Variants in HTT observed in about 807,000 individuals in gnomAD.
HTT encodes huntington disease protein.
HTT carries 104 observed loss-of-function variants against 362.3 expected under a neutral mutation model. The ratio of observed to expected loss-of-function variants is 0.29; its 90% CI spans 0.24 to 0.34. The LOEUF (loss-of-function observed/expected upper bound fraction) is 0.34, where lower values mean the gene tolerates loss of function less well. Among genes scored for constraint, HTT ranks in the 10% least tolerant of loss-of-function variants. The probability of loss-of-function intolerance (pLI) is 1.00; values close to 1 mark genes in which losing one functional copy is unlikely to be tolerated. For synonymous variants in HTT, 1,577 were observed against 1,548.7 expected (o/e 1.02, Z -0.43); for missense variants, 3,301 against 3,928.6 (o/e 0.84, Z 4.27).
intron 53 of HTT, among the ~76,000 whole-genome samples, chr4:3,221,547 C>G (rs990879327): frequency 6.6e-6 from 1 of 152,182 alleles, no homozygotes; most frequent in Non-Finnish European, 1.5e-5. Flanking sequence ...CAGTCCTGCA[C>G]GCTCTCCTTC....
At chr4:3,094,159 C>G (rs1303882617) in intron 2 of HTT, among the ~76,000 whole-genome samples, 1 of 151,712 alleles carries the variant, frequency 6.6e-6, no homozygotes, top group Non-Finnish European at 1.5e-5. Context: ...TTTAACAAAG[C>G]ACATCTTGCA....
chr4:3,118,002 G>A (rs1335987331), intron 8 of HTT, among the ~76,000 whole-genome samples: 1 of 152,158 alleles, frequency 6.6e-6, no homozygotes, highest in Non-Finnish European at 1.5e-5. Context: ...AAATCTCTTT[G>A]ATGAACTGGT....
At chr4:3,238,241 G>A (rs1213750377) in intron 64 of HTT, among the ~76,000 whole-genome samples, 1 of 152,218 alleles carries the variant, frequency 6.6e-6, no homozygotes, top group Admixed American at 6.5e-5. Context: ...AAGGGCTGGG[G>A]TTTTGCCTTT....
At chr4:3,175,311 T>A (rs532002889) in intron 33 of HTT, among the ~76,000 whole-genome samples, 2 of 152,350 alleles carry the variant, frequency 1.3e-5, no homozygotes, top group East Asian at 3.9e-4. Flanking sequence ...TTGCCCCAGC[T>A]CCCTGGACTC....
At position 3,093,771 on chromosome 4, in the gene HTT, A is replaced by G. The variant is rs899402218; in HGVS notation, c.348-5503A>G. ...AATTGGAGTGATGAAGCTATAAGCC[A>G]AGGAATGCAGCAGCCACCAAAGCTG... On this transcript the variant is annotated intron_variant, in intron 2 of 66. Coordinates refer to ENST00000355072, the MANE Select transcript of HTT (RefSeq NM_001388492.1). Among the ~76,000 whole-genome samples, 6 of 152,008 alleles carry G rather than the reference A, an allele frequency of 3.9e-5. No homozygotes were observed. The East Asian group carries it at 9.6e-4, about 24-fold the overall frequency.
At chr4:3,148,476 AC>A (rs1257724801) in intron 26 of HTT, among the ~76,000 whole-genome samples, 1 of 151,626 alleles carries the variant, frequency 6.6e-6, no homozygotes, top group African/African-American at 2.4e-5. Context: ...ACATCACGAA[AC>A]CCCCTCTCTA....
intron 40 of HTT, among the ~76,000 whole-genome samples, chr4:3,198,505 G>A (rs28404638): frequency 0.2 from 30,521 of 152,028 alleles, 3,553 homozygotes; most frequent in African/African-American, 0.32. Context: ...GATTATAGGC[G>A]TGAGCCACCA....
chr4:3,223,685 C>A, intron 55 of HTT, 125 bp downstream of exon 55: 1 of 911,524 alleles, frequency 1.1e-6, no homozygotes, highest in Non-Finnish European at 1.7e-6. Flanking sequence ...AAAACACCGT[C>A]CGTGTGGCCT....
At chr4:3,080,711 T>C (rs972639226) in intron 1 of HTT, among the ~76,000 whole-genome samples, 2 of 152,272 alleles carry the variant, frequency 1.3e-5, no homozygotes, top group Non-Finnish European at 2.9e-5. Context: ...CTATGTTTTC[T>C]TCTAAGAATT....
intron 64 of HTT, among the ~76,000 whole-genome samples, chr4:3,237,618 T>C (rs1331590861): frequency 6.6e-6 from 1 of 152,094 alleles, no homozygotes; most frequent in Non-Finnish European, 1.5e-5. Flanking sequence ...CAGATTTCTC[T>C]CTGTGGAGCA....
At chr4:3,097,456 A>G (rs1265510005) in intron 2 of HTT, among the ~76,000 whole-genome samples, 1 of 152,160 alleles carries the variant, frequency 6.6e-6, no homozygotes, top group Non-Finnish European at 1.5e-5. Flanking sequence ...ACATGGTGAA[A>G]CTCTGTCTCT....
At chr4:3,181,267 G>C (rs1056587739) in intron 36 of HTT, among the ~76,000 whole-genome samples, 1 of 152,132 alleles carries the variant, frequency 6.6e-6, no homozygotes, top group Non-Finnish European at 1.5e-5. Context: ...AGATAGTGAG[G>C]CCCTCTTTTC....
At chr4:3,157,989 C>CTTTT (rs755194476) in intron 28 of HTT, among the ~76,000 whole-genome samples, 1 of 147,886 alleles carries the variant, frequency 6.8e-6, no homozygotes, top group African/African-American at 2.5e-5. Flanking sequence ...TAGAAGCATC[C>CTTTT]TTGTTTTTTT....
intron 2 of HTT, among the ~76,000 whole-genome samples, chr4:3,094,895 C>T (rs934853676): frequency 1.3e-5 from 2 of 151,046 alleles, no homozygotes; most frequent in East Asian, 2.0e-4. Context: ...GACGGAGTCA[C>T]GGCCGGGCAG....
At chr4:3,120,317 T>G (rs1026541927) in intron 8 of HTT, among the ~76,000 whole-genome samples, 6 of 152,230 alleles carry the variant, frequency 3.9e-5, no homozygotes, top group Non-Finnish European at 7.3e-5. Context: ...TTATTTGTTG[T>G]TTGTTTACAG....
chr4:3,232,353 C>T (rs1427565339), intron 60 of HTT, among the ~76,000 whole-genome samples: 3 of 152,206 alleles, frequency 2.0e-5, no homozygotes, highest in Non-Finnish European at 2.9e-5. Flanking sequence ...GGCCATCCAG[C>T]GCTCCATGGG....
intron 9 of HTT, among the ~76,000 whole-genome samples, chr4:3,122,360 A>G (rs936147110): frequency 3.9e-5 from 6 of 152,230 alleles, no homozygotes; most frequent in African/African-American, 1.4e-4. Context: ...TGGTCGGTGT[A>G]GTGCACAGTG....
At chr4:3,230,461 C>A (rs1721197414) in intron 60 of HTT, among the ~76,000 whole-genome samples, 1 of 152,230 alleles carries the variant, frequency 6.6e-6, no homozygotes, top group African/African-American at 2.4e-5. Flanking sequence ...AGCTTCCTGG[C>A]TGGACAGCTT....
At chr4:3,127,199 G>C in intron 11 of HTT, 65 bp from the exon 12 acceptor site, 1 of 1,202,718 alleles carries the variant, frequency 8.3e-7, no homozygotes. Flanking sequence ...TATTTTGCAA[G>C]CCTGTGATTC....
Sources: gnomAD v4.1 joint callset for allele counts (sites outside exome capture counted in the v4.1 genomes callset) on GRCh38, gnomAD v4.1.1 for gene constraint, MANE v1.5 for transcripts, NCBI Gene and HGNC (gene_info 2026-07-23, HGNC 2026-07-21) for gene names.